ANKS1B: variants seen among roughly 807,000 people sequenced by gnomAD.
ANKS1B encodes ankyrin repeat and sterile alpha motif domain containing 1B.
In ANKS1B, 36 loss-of-function variants were observed where a neutral mutation model predicts 148.3. The observed-to-expected ratio is 0.24, with a 90% CI of 0.19 to 0.32. ANKS1B has a LOEUF of 0.32. ANKS1B is among the 10% of genes least tolerant of loss of function. The pLI, the probability that ANKS1B is intolerant of heterozygous loss-of-function variation, is 1.00. For missense variants in ANKS1B, 1,157 were observed against 1,542.6 expected (o/e 0.75, Z 4.19); for synonymous variants, 542 against 560.8 (o/e 0.97, Z 0.47).
At chr12:99,659,742 AG>A (rs751642232) in intron 8 of ANKS1B, among the ~76,000 whole-genome samples, 1 of 152,324 alleles carries the variant, frequency 6.6e-6, no homozygotes. Context: ...GATAGAGAAT[AG>A]CCCAATAAAA....
At chr12:99,230,359 T>C (rs2086641241) in intron 14 of ANKS1B, among the ~76,000 whole-genome samples, 1 of 152,152 alleles carries the variant, frequency 6.6e-6, no homozygotes, top group South Asian at 2.1e-4. Context: ...TTGATGTTGG[T>C]TGATCATATA....
At chr12:98,782,206 A>G in intron 22 of ANKS1B, 69 bp from the exon 23 acceptor site, 1 of 1,308,064 alleles carries the variant, frequency 7.6e-7, no homozygotes, top group Non-Finnish European at 1.1e-6. Context: ...GGTGAGAGAG[A>G]GGAAACCATT....
At chr12:98,800,935 CA>C (rs2099000120) in intron 21 of ANKS1B, 61 bp downstream of exon 21, 2 of 1,529,064 alleles carry the variant, frequency 1.3e-6, no homozygotes, top group South Asian at 2.6e-5. Context: ...TAAATGCAAA[CA>C]AGCTGAAAAC....
At chr12:99,556,473 G>A (rs2097277476) in intron 9 of ANKS1B, among the ~76,000 whole-genome samples, 1 of 151,860 alleles carries the variant, frequency 6.6e-6, no homozygotes, top group Non-Finnish European at 1.5e-5. Flanking sequence ...GTTATTTCTT[G>A]TCTTCTGCTA....
chr12:99,507,402 G>T (rs898924675), intron 9 of ANKS1B, among the ~76,000 whole-genome samples: 3 of 151,822 alleles, frequency 2.0e-5, no homozygotes, highest in African/African-American at 7.3e-5. Flanking sequence ...TAAAAATGAA[G>T]TATATAGGTT....
chr12:99,941,627 A>G (rs2094921264), intron 1 of ANKS1B, among the ~76,000 whole-genome samples: 1 of 152,176 alleles, frequency 6.6e-6, no homozygotes, highest in Non-Finnish European at 1.5e-5. Context: ...CCTTCACCTC[A>G]GAGTTGAGAG....
chr12:99,164,360 G>A, intron 14 of ANKS1B, among the ~76,000 whole-genome samples: 1 of 152,024 alleles, frequency 6.6e-6, no homozygotes, highest in East Asian at 1.9e-4. Context: ...TTGGAGTAAT[G>A]ACAATCATGC....
At chr12:99,506,527 A>G (rs536345785) in intron 9 of ANKS1B, among the ~76,000 whole-genome samples, 1 of 152,176 alleles carries the variant, frequency 6.6e-6, no homozygotes, top group African/African-American at 2.4e-5. Flanking sequence ...AAACCATGTC[A>G]GAGAAGAAAT....
intron 15 of ANKS1B, among the ~76,000 whole-genome samples, chr12:99,141,398 C>CATTTCTTTT (rs1175490065): frequency 6.6e-6 from 1 of 151,082 alleles, no homozygotes; most frequent in East Asian, 1.9e-4. Context: ...TCTCTAGTCT[C>CATTTCTTTT]ATTTCTTTTT....
intron 17 of ANKS1B, among the ~76,000 whole-genome samples, chr12:98,898,715 G>A (rs1472898382): frequency 6.6e-6 from 1 of 152,130 alleles, no homozygotes; most frequent in Non-Finnish European, 1.5e-5. Context: ...GATGTAATAT[G>A]TAGCTCATGT....
intron 10 of ANKS1B, among the ~76,000 whole-genome samples, chr12:99,465,895 G>A (rs1255274825): frequency 6.6e-6 from 1 of 152,022 alleles, no homozygotes; most frequent in Non-Finnish European, 1.5e-5. Context: ...GAGACAGAAA[G>A]TTAACAAGAA....
At chr12:98,800,206 A>G (rs1457934141) in intron 21 of ANKS1B, among the ~76,000 whole-genome samples, 3 of 151,412 alleles carry the variant, frequency 2.0e-5, no homozygotes, top group Non-Finnish European at 4.4e-5. Context: ...GAGGGGCAGA[A>G]AGCAGAAAAT....
At chr12:98,770,886 G>T (rs553189140) in intron 25 of ANKS1B, among the ~76,000 whole-genome samples, 1 of 152,084 alleles carries the variant, frequency 6.6e-6, no homozygotes, top group African/African-American at 2.4e-5. Context: ...CGTGATTCCT[G>T]ATTCTTTAAA....
intron 9 of ANKS1B, among the ~76,000 whole-genome samples, chr12:99,522,204 GTGTTCTC>G (rs2096881948): frequency 6.6e-6 from 1 of 152,162 alleles, no homozygotes; most frequent in Non-Finnish European, 1.5e-5. Flanking sequence ...GCCTAGGACT[GTGTTCTC>G]TGCCTTGGTC....
At chr12:99,577,081 G>A (rs2097526400) in intron 9 of ANKS1B, among the ~76,000 whole-genome samples, 2 of 151,742 alleles carry the variant, frequency 1.3e-5, no homozygotes, top group Admixed American at 1.3e-4. Context: ...TTTTGTAGAG[G>A]GGAGTTTAAA....
intron 17 of ANKS1B, among the ~76,000 whole-genome samples, chr12:98,944,384 G>A (rs2153037334): frequency 6.7e-6 from 1 of 149,766 alleles, no homozygotes; most frequent in African/African-American, 2.4e-5. Context: ...ATGATTGAAA[G>A]CTTCCTGAGG....
chr12:99,901,887 C>T (rs1252584250), intron 1 of ANKS1B, among the ~76,000 whole-genome samples: 2 of 152,210 alleles, frequency 1.3e-5, no homozygotes, highest in Admixed American at 6.5e-5. Flanking sequence ...TTTAACTGCT[C>T]TAAGCCTCCA....
chr12:99,114,446 C>T (rs1048152450), intron 15 of ANKS1B, among the ~76,000 whole-genome samples: 3 of 152,090 alleles, frequency 2.0e-5, no homozygotes, highest in African/African-American at 7.2e-5. Flanking sequence ...GTCTAATATA[C>T]AGCATCTATA....
At chr12:99,812,100 T>C in intron 3 of ANKS1B, 55 bp downstream of exon 3, 1 of 1,570,270 alleles carries the variant, frequency 6.4e-7, no homozygotes, top group East Asian at 2.3e-5. Context: ...TCAATATGGC[T>C]TTGCCTTGTA....
Sources: gnomAD v4.1 joint callset for allele counts (sites outside exome capture counted in the v4.1 genomes callset) on GRCh38, gnomAD v4.1.1 for gene constraint, MANE v1.5 for transcripts, NCBI Gene and HGNC (gene_info 2026-07-23, HGNC 2026-07-21) for gene names.